The following XG variants were observed in gnomAD, a reference collection of about 807,000 sequenced individuals.
XG encodes glycoprotein Xg.
Under a neutral mutation model 25.7 loss-of-function variants are expected in XG, and 24 were observed. The ratio of observed to expected loss-of-function variants is 0.93; its 90% CI spans 0.68 to 1.31. The LOEUF (loss-of-function observed/expected upper bound fraction) is 1.31, where lower values mean the gene tolerates loss of function less well. Ranked by LOEUF, XG falls within the 40% of genes most tolerant of loss-of-function variation. XG has a pLI of 0.00. For synonymous variants in XG, 77 were observed against 69.2 expected, an observed-to-expected ratio of 1.11 and a Z score of -0.56; for missense variants, 181 against 187.6, an observed-to-expected ratio of 0.96 and a Z score of 0.21.
At chrX:2,780,362 G>A (rs1402830734) in intron 3 of XG, among the ~76,000 whole-genome samples, 4 of 147,354 alleles carry the variant, frequency 2.7e-5, no homozygotes, top group African/African-American at 7.5e-5. Context: ...TTCATTGAAA[G>A]CCAATTTAAG....
At chrX:2,768,133 G>T (rs886427673) in intron 1 of XG, among the ~76,000 whole-genome samples, 1 of 152,140 alleles carries the variant, frequency 6.6e-6, no homozygotes, top group Admixed American at 6.5e-5. Context: ...GACTGGGAGG[G>T]GAGAGACAAC....
chrX:2,814,616 A>G lies in XG; in HGVS notation c.*236A>G. On this transcript the variant is annotated 3_prime_UTR_variant, in exon 11 of 11. Transcript: ENST00000644266. ...GCGTTCTAAAAAAGGATTGCTTGCA[A>G]TGTTGGTTTGGCTATTCATTTGCAC... The G allele has an allele frequency of 5.2e-6, 2 of 382,875 alleles. No individual in the cohort carries two copies. Among genetic ancestry groups the G allele is most frequent in the East Asian group, 4.4e-5 (1 of 22,503 alleles). 31.6% of individuals were successfully genotyped at this position (382,875 alleles called of 1,213,427 possible).
At chrX:2,767,774 G>C (rs1475038480) in intron 1 of XG, among the ~76,000 whole-genome samples, 2 of 152,218 alleles carry the variant, frequency 1.3e-5, no homozygotes, top group Non-Finnish European at 2.9e-5. Flanking sequence ...TGCGGGACTG[G>C]AGACTGTCTC....
intron 1 of XG, among the ~76,000 whole-genome samples, chrX:2,770,167 A>G (rs2050785724): frequency 6.6e-6 from 1 of 152,208 alleles, no homozygotes; most frequent in Non-Finnish European, 1.5e-5. Flanking sequence ...ACAGGTTGCA[A>G]CGTGAACGCA....
intron 6 of XG, among the ~76,000 whole-genome samples, chrX:2,795,528 TAC>T (rs973051459): frequency 9.1e-6 from 1 of 109,400 alleles, no homozygotes; most frequent in Non-Finnish European, 1.9e-5. Context: ...TTTATATACG[TAC>T]ACATATACCT....
Position 2,811,472 on chromosome X carries a change from T to C in XG, c.571+20T>C, listed in dbSNP as rs2087055516. The C allele has an allele frequency of 9.1e-7, 1 of 1,103,752 alleles. No individual in the cohort carries two copies. Among genetic ancestry groups the C allele is most frequent in the Admixed American group, 2.6e-5 (1 of 39,008 alleles). 91.0% of individuals were successfully genotyped at this position (1,103,752 alleles called of 1,213,427 possible). A position where few individuals can be genotyped will look rare whatever the true frequency, so the allele number is the denominator to read the frequency against. ...CCCATGGTAAGTTTGGCTCTAAACA[T>C]TGTTTTGCTTGTTACTAAGCCTGAT... On this transcript the variant is annotated intron_variant, in intron 10 of 10. Transcript: ENST00000644266.
In XG at chrX:2,806,398, CT is replaced by C. The variant is rs56092146; in HGVS notation, c.374-294del. ...GTGGCCTGCGTTTTCATCCTATTCT[CT>C]TTTTTTTTAACCAACATTTGCTGGC... is the stretch of plus-strand genomic sequence containing the variant. On this transcript the variant is annotated intron_variant, in intron 7 of 10. Coordinates refer to ENST00000644266, the MANE Select transcript of XG (RefSeq NM_001141919.2). 8.1e-3 allele frequency among the ~76,000 whole-genome samples: 893 copies of C among 109,861 alleles called. 9 individuals are homozygous for C. Among genetic ancestry groups the C allele is most frequent in the African/African-American group, 0.028 (843 of 30,196 alleles).
chrX:2,756,758 A>G (rs1603302079), intron 1 of XG, among the ~76,000 whole-genome samples: 1 of 152,170 alleles, frequency 6.6e-6, no homozygotes, highest in South Asian at 2.1e-4. Context: ...TGACCGCCAC[A>G]CACTGAAACC....
Position 2,814,593 on chromosome X carries a change from G to T in XG, c.*213G>T, listed in dbSNP as rs12851007. 1 of 413,402 alleles carries T rather than the reference G, an allele frequency of 2.4e-6. No individual in the cohort carries two copies. Among genetic ancestry groups the T allele is most frequent in the Non-Finnish European group, 3.9e-6 (1 of 254,983 alleles). 34.1% of individuals were successfully genotyped at this position (413,402 alleles called of 1,213,427 possible). ...GATAAGTTAGGCAGCTAGACCCTGC[G>T]TTCTAAAAAAGGATTGCTTGCAATG... On this transcript the variant is annotated 3_prime_UTR_variant, in exon 11 of 11. Coordinates refer to ENST00000644266, the MANE Select transcript of XG (RefSeq NM_001141919.2).
intron 7 of XG, among the ~76,000 whole-genome samples, chrX:2,801,909 G>A (rs936122092): frequency 1.4e-4 from 15 of 109,779 alleles, no homozygotes; most frequent in Non-Finnish European, 1.7e-4. Flanking sequence ...GGGTTTCACC[G>A]TGTTAGCCAG....
intron 4 of XG, 80 bp downstream of exon 4, chrX:2,782,208 T>G (rs1175916511): frequency 2.7e-5 from 29 of 1,072,908 alleles, no homozygotes; most frequent in Non-Finnish European, 3.7e-5. Context: ...AGGTTTAGCC[T>G]GGTTGCATTT....
intron 2 of XG, among the ~76,000 whole-genome samples, chrX:2,773,127 A>G (rs2050860872): frequency 6.6e-6 from 1 of 150,798 alleles, no homozygotes; most frequent in Non-Finnish European, 1.5e-5. Flanking sequence ...AAGAAAGAAA[A>G]GAAGGAAACA....
At chrX:2,795,693 C>T (rs1421612024) in intron 6 of XG, among the ~76,000 whole-genome samples, 3 of 110,429 alleles carry the variant, frequency 2.7e-5, no homozygotes, top group African/African-American at 9.8e-5. Flanking sequence ...GAGTCTCGCT[C>T]TGTCGCCCAG....
intron 3 of XG, among the ~76,000 whole-genome samples, chrX:2,776,826 G>C (rs1012331558): frequency 8.6e-5 from 13 of 151,108 alleles, no homozygotes; most frequent in South Asian, 6.3e-4. Flanking sequence ...CAGCCTGGGC[G>C]ACAGAGCGAG....
chrX:2,771,758 T>G (rs1290599959), intron 2 of XG, among the ~76,000 whole-genome samples: 1 of 152,168 alleles, frequency 6.6e-6, no homozygotes, highest in East Asian at 1.9e-4. Flanking sequence ...CCAGATCTGA[T>G]CCTAAAAAGC....
chrX:2,781,048 CTG>C (rs1569464027), intron 3 of XG, among the ~76,000 whole-genome samples: 1 of 151,840 alleles, frequency 6.6e-6, no homozygotes, highest in Non-Finnish European at 1.5e-5. Flanking sequence ...CACTTGGAAA[CTG>C]AGAGTGGAAG....
At chrX:2,780,351 A>G (rs549480166) in intron 3 of XG, among the ~76,000 whole-genome samples, 1 of 150,842 alleles carries the variant, frequency 6.6e-6, no homozygotes, top group East Asian at 2.0e-4. Context: ...GGTCACACAT[A>G]TTCATTGAAA....
chrX:2,771,994 G>T (rs753472811), intron 2 of XG, among the ~76,000 whole-genome samples: 1 of 152,286 alleles, frequency 6.6e-6, no homozygotes, highest in African/African-American at 2.4e-5. Context: ...TTAGAGGCAG[G>T]TGTGTGGTTG....
At chrX:2,773,610 GGAGA>G (rs2050893351) in intron 2 of XG, among the ~76,000 whole-genome samples, 2 of 39,086 alleles carry the variant, frequency 5.1e-5, no homozygotes, top group African/African-American at 1.8e-4. Context: ...AAGGAAGGAA[GGAGA>G]GAAGGAAGGA....
Sources: gnomAD v4.1 joint callset for allele counts (sites outside exome capture counted in the v4.1 genomes callset) on GRCh38, gnomAD v4.1.1 for gene constraint, MANE v1.5 for transcripts, NCBI Gene and HGNC (gene_info 2026-07-23, HGNC 2026-07-21) for gene names.